The following PPM1E variants were observed in gnomAD, a reference collection of about 807,000 sequenced individuals.
PPM1E encodes the protein protein phosphatase 1E.
In PPM1E, 20 loss-of-function variants were observed where a neutral mutation model predicts 65.9. The ratio of observed to expected loss-of-function variants is 0.30; its 90% CI spans 0.21 to 0.44. The LOEUF (loss-of-function observed/expected upper bound fraction) is 0.44. PPM1E is among the 20% of genes least tolerant of loss of function. The pLI is 1.00. For missense variants in PPM1E, 713 were observed against 953.1 expected, an observed-to-expected ratio of 0.75 and a Z score of 3.32; for synonymous variants, 352 against 374.9, an observed-to-expected ratio of 0.94 and a Z score of 0.70.
intron 1 of PPM1E, among the ~76,000 whole-genome samples, chr17:58,926,483 A>T (rs1299506452): frequency 1.3e-5 from 2 of 152,060 alleles, no homozygotes; most frequent in Non-Finnish European, 2.9e-5. Flanking sequence ...GGTTATATGA[A>T]TCATTTAAAA....
chr17:58,783,953 C>T (rs919952175), intron 1 of PPM1E, among the ~76,000 whole-genome samples: 7 of 148,472 alleles, frequency 4.7e-5, no homozygotes, highest in African/African-American at 1.7e-4. Flanking sequence ...TCAGGTGATC[C>T]ACCTGCCTCA....
intron 1 of PPM1E, among the ~76,000 whole-genome samples, chr17:58,823,032 C>G (rs1161327737): frequency 6.6e-6 from 1 of 152,164 alleles, no homozygotes; most frequent in South Asian, 2.1e-4. Flanking sequence ...CTTGTTTGAC[C>G]TGGGGCAAGC....
chr17:58,777,670 CTG>C (rs2050007053), intron 1 of PPM1E, among the ~76,000 whole-genome samples: 1 of 152,136 alleles, frequency 6.6e-6, no homozygotes, highest in African/African-American at 2.4e-5. Context: ...CAATTAATAA[CTG>C]TTGAAAGAAT....
intron 1 of PPM1E, among the ~76,000 whole-genome samples, chr17:58,938,322 C>T (rs755041296): frequency 1.3e-5 from 2 of 152,068 alleles, no homozygotes; most frequent in Non-Finnish European, 1.5e-5. Context: ...TAACTAGAAC[C>T]CACCTTTCTA....
Position 58,788,634 on chromosome 17 carries a change from A to G in PPM1E, c.464+32173A>G, listed in dbSNP as rs186872240. Among the ~76,000 whole-genome samples, 206 of 152,292 alleles carry G rather than the reference A, an allele frequency of 1.4e-3. 1 individual carries two copies. The highest frequency in any genetic ancestry group is 2.1e-3 in the Non-Finnish European group (142 of 68,010). On this transcript the variant is annotated intron_variant, in intron 1 of 6. Coordinates refer to ENST00000308249, the MANE Select transcript of PPM1E (RefSeq NM_014906.5). ...TGTTCAATTTGTTTCTGCTCCAATT[A>G]TCTGCTGCTGTTTAGGAGGAGGTGG... is the stretch of plus-strand genomic sequence containing the variant.
intron 1 of PPM1E, among the ~76,000 whole-genome samples, chr17:58,844,134 G>A (rs1439925763): frequency 6.6e-6 from 1 of 152,140 alleles, no homozygotes; most frequent in Admixed American, 6.6e-5. Context: ...CTGAAGGACT[G>A]TAGGTCCTGG....
Position 58,919,111 on chromosome 17 carries a change from A to C in PPM1E, c.465-36538A>C, listed in dbSNP as rs561443545. 2.3e-4 allele frequency among the ~76,000 whole-genome samples: 35 copies of C among 152,320 alleles called. No homozygotes were observed. The South Asian group carries it at 6.6e-3, about 29-fold the overall frequency. ...GTGGTTTGATTCAGAGTACTTTGAAAAGGTAATTTAAATTTAAATTTGAAA... is the reference window on the plus strand; with the variant it reads ...GTGGTTTGATTCAGAGTACTTTGAACAGGTAATTTAAATTTAAATTTGAAA... On this transcript the variant is annotated intron_variant, in intron 1 of 6. Coordinates refer to ENST00000308249, the MANE Select transcript of PPM1E (RefSeq NM_014906.5).
At chr17:58,946,628 G>A (rs571701536) in intron 1 of PPM1E, among the ~76,000 whole-genome samples, 1 of 152,072 alleles carries the variant, frequency 6.6e-6, no homozygotes, top group Admixed American at 6.6e-5. Context: ...CTATTTTGTT[G>A]TTGTTTGTTT....
At chr17:58,821,944 ATAAC>A (rs1567843870) in intron 1 of PPM1E, among the ~76,000 whole-genome samples, 2 of 152,212 alleles carry the variant, frequency 1.3e-5, no homozygotes, top group African/African-American at 4.8e-5. Context: ...AGCTTTTCTA[ATAAC>A]TAACTGAGAT....
chr17:58,973,951 CAAAAAAAAAAA>C (rs34819561), intron 6 of PPM1E, among the ~76,000 whole-genome samples: 11 of 55,468 alleles, frequency 2.0e-4, no homozygotes, highest in Admixed American at 4.9e-4. Flanking sequence ...GACTCCATCT[CAAAAAAAAAAA>C]AAAAAAAAAA....
At chr17:58,913,516 C>T (rs948386681) in intron 1 of PPM1E, among the ~76,000 whole-genome samples, 1 of 152,136 alleles carries the variant, frequency 6.6e-6, no homozygotes, top group Admixed American at 6.5e-5. Flanking sequence ...AGCAGTATTG[C>T]AATAGCGAAG....
intron 1 of PPM1E, among the ~76,000 whole-genome samples, chr17:58,867,737 A>G (rs1567858423): frequency 6.6e-6 from 1 of 152,170 alleles, no homozygotes; most frequent in Non-Finnish European, 1.5e-5. Flanking sequence ...AAATTTTTGT[A>G]TCTCACAATT....
intron 1 of PPM1E, among the ~76,000 whole-genome samples, chr17:58,832,978 A>T (rs767166351): frequency 6.6e-6 from 1 of 152,000 alleles, no homozygotes; most frequent in Non-Finnish European, 1.5e-5. Flanking sequence ...ACTCCTGGCT[A>T]TGGCTAATTT....
intron 1 of PPM1E, among the ~76,000 whole-genome samples, chr17:58,864,597 G>C (rs1268519521): frequency 6.6e-6 from 1 of 151,640 alleles, no homozygotes; most frequent in African/African-American, 2.4e-5. Flanking sequence ...CTGAGATTGT[G>C]CCACTGCACT....
intron 1 of PPM1E, among the ~76,000 whole-genome samples, chr17:58,888,102 A>G (rs1212478480): frequency 1.3e-5 from 2 of 152,200 alleles, no homozygotes; most frequent in Non-Finnish European, 2.9e-5. Flanking sequence ...GGAAAAATCA[A>G]GAGATTGGTT....
chr17:58,819,997 A>G (rs1187859839), intron 1 of PPM1E, among the ~76,000 whole-genome samples: 1 of 152,152 alleles, frequency 6.6e-6, no homozygotes, highest in Non-Finnish European at 1.5e-5. Flanking sequence ...AGATGGCACC[A>G]CTGCACTCCA....
chr17:58,791,356 C>T (rs965171851), intron 1 of PPM1E, among the ~76,000 whole-genome samples: 14 of 152,086 alleles, frequency 9.2e-5, no homozygotes, highest in Admixed American at 3.3e-4. Flanking sequence ...TTAGATGATT[C>T]GGAGATGGCA....
chr17:58,827,669 G>A (rs1268409433), intron 1 of PPM1E, among the ~76,000 whole-genome samples: 4 of 151,764 alleles, frequency 2.6e-5, no homozygotes, highest in Admixed American at 6.6e-5. Context: ...TTGGGAGGCC[G>A]AGGAGGGCGG....
intron 1 of PPM1E, among the ~76,000 whole-genome samples, chr17:58,810,580 A>G (rs2050357160): frequency 6.6e-6 from 1 of 152,170 alleles, no homozygotes; most frequent in Non-Finnish European, 1.5e-5. Context: ...GATTGGTCCA[A>G]AAGTTCAAGT....
Sources: gnomAD v4.1 joint callset for allele counts (sites outside exome capture counted in the v4.1 genomes callset) on GRCh38, gnomAD v4.1.1 for gene constraint, MANE v1.5 for transcripts, NCBI Gene and HGNC (gene_info 2026-07-23, HGNC 2026-07-21) for gene names.